Variants in DPP6 observed in about 807,000 individuals in gnomAD.
DPP6 encodes dipeptidyl peptidase like 6, also known as A-type potassium channel modulatory protein DPP6.
A neutral mutation model predicts 122.6 loss-of-function variants in DPP6; 69 were observed. That is an observed-to-expected ratio of 0.56 (90% CI 0.46 to 0.69). The LOEUF (loss-of-function observed/expected upper bound fraction) is 0.69. Ranked by LOEUF, DPP6 falls within the 30% of genes least tolerant of loss-of-function variation. DPP6 has a pLI of 0.00. For synonymous variants in DPP6, 418 were observed against 433.1 expected, an observed-to-expected ratio of 0.97 and a Z score of 0.43; for missense variants, 928 against 1,116.9, an observed-to-expected ratio of 0.83 and a Z score of 2.41.
At chr7:153,958,416 T>A (rs370779415) in intron 1 of DPP6, among the ~76,000 whole-genome samples, 4 of 152,074 alleles carry the variant, frequency 2.6e-5, no homozygotes, top group African/African-American at 7.2e-5. Context: ...CTAACACGCA[T>A]CCTATTCTCT....
At chr7:153,913,117 C>T (rs987302173) in intron 1 of DPP6, among the ~76,000 whole-genome samples, 1 of 152,170 alleles carries the variant, frequency 6.6e-6, no homozygotes, top group African/African-American at 2.4e-5. Context: ...CTCTGTCGCC[C>T]AGACTGGAGT....
intron 11 of DPP6, 43 bp from the exon 12 acceptor site, chr7:154,795,789 AAAAAAAAGAAAAG>A: frequency 1.3e-6 from 2 of 1,523,722 alleles, no homozygotes; most frequent in Admixed American, 2.1e-5. Context: ...ACATGCAAAA[AAAAAAAAGAAAAG>A]AAAAGAAAAA....
At chr7:154,344,008 G>A (rs1046391066) in intron 1 of DPP6, among the ~76,000 whole-genome samples, 2 of 152,014 alleles carry the variant, frequency 1.3e-5, no homozygotes, top group African/African-American at 4.8e-5. Context: ...GAGCCACCGT[G>A]CCCCACCCTC....
At chr7:154,074,540 T>C (rs1208336812) in intron 1 of DPP6, among the ~76,000 whole-genome samples, 1 of 152,236 alleles carries the variant, frequency 6.6e-6, no homozygotes, top group East Asian at 1.9e-4. Flanking sequence ...TGGGCTGTTT[T>C]AAACAACTTT....
chr7:154,060,558 C>T (rs140597091), intron 1 of DPP6, among the ~76,000 whole-genome samples: 42,597 of 113,536 alleles, frequency 0.38, 8,017 homozygotes, highest in Admixed American at 0.44. Flanking sequence ...TCAAATCTTC[C>T]GACGGCAGGT....
the DPP6 span, among the ~76,000 whole-genome samples, chr7:153,776,407 G>A: frequency 6.6e-6 from 1 of 152,028 alleles, no homozygotes; most frequent in African/African-American, 2.4e-5. Context: ...CCCTTTGCTT[G>A]GCACGTTTCC....
chr7:154,678,189 A>G (rs1209027630), intron 7 of DPP6, among the ~76,000 whole-genome samples: 1 of 152,204 alleles, frequency 6.6e-6, no homozygotes, highest in Non-Finnish European at 1.5e-5. Flanking sequence ...AATCAGCAGG[A>G]TGGGGGCGGG....
At chr7:154,500,262 G>C (rs959113110) in intron 3 of DPP6, among the ~76,000 whole-genome samples, 1 of 152,332 alleles carries the variant, frequency 6.6e-6, no homozygotes, top group Non-Finnish European at 1.5e-5. Flanking sequence ...TGGTTGCACA[G>C]CTGTGTGACC....
At chr7:154,410,074 A>C (rs766170313) in intron 1 of DPP6, among the ~76,000 whole-genome samples, 2 of 152,268 alleles carry the variant, frequency 1.3e-5, no homozygotes, top group Admixed American at 6.5e-5. Flanking sequence ...AAAGAAATTT[A>C]GAAATGTTAG....
chr7:154,333,841 T>G (rs1375223829), intron 1 of DPP6, among the ~76,000 whole-genome samples: 2 of 152,242 alleles, frequency 1.3e-5, no homozygotes, highest in Non-Finnish European at 1.5e-5. Context: ...CATTATAATT[T>G]GTAATGATTT....
chr7:154,593,237 A>G (rs888213623), intron 5 of DPP6, among the ~76,000 whole-genome samples: 5 of 152,230 alleles, frequency 3.3e-5, no homozygotes, highest in African/African-American at 1.2e-4. Context: ...ACTGGGGATT[A>G]ATAGCTCCGG....
At chr7:154,463,367 C>T (rs975525721) in intron 2 of DPP6, among the ~76,000 whole-genome samples, 1 of 151,804 alleles carries the variant, frequency 6.6e-6, no homozygotes, top group Non-Finnish European at 1.5e-5. Flanking sequence ...GCCACCACGC[C>T]CGGCTAATTT....
At chr7:154,681,537 G>C (rs193271459) in intron 7 of DPP6, among the ~76,000 whole-genome samples, 3 of 152,294 alleles carry the variant, frequency 2.0e-5, no homozygotes, top group Admixed American at 2.0e-4. Flanking sequence ...CCTGTTTCTC[G>C]TCCTGTGGAG....
At chr7:154,575,433 A>ATGTGTGGTGTGTGTGTG (rs1831552620) in intron 5 of DPP6, among the ~76,000 whole-genome samples, 1 of 31,960 alleles carries the variant, frequency 3.1e-5, no homozygotes, top group Non-Finnish European at 5.1e-5. Context: ...TGTGGTGTGT[A>ATGTGTGGTGTGTGTGTG]TGTGTGTGGT....
At chr7:154,525,901 T>C (rs1334691398) in intron 3 of DPP6, among the ~76,000 whole-genome samples, 1 of 152,242 alleles carries the variant, frequency 6.6e-6, no homozygotes, top group African/African-American at 2.4e-5. Context: ...TCACCGTCTC[T>C]ATGTGTAGTA....
In DPP6 at chr7:154,748,934, C is replaced by T. The variant is rs547437136; in HGVS notation, c.884-20483C>T. Among the ~76,000 whole-genome samples the T allele has an allele frequency of 3.3e-5, 5 of 152,248 alleles. No individual in the cohort carries two copies. In the East Asian group the frequency reaches 5.8e-4, roughly 18 times the overall value. On this transcript the variant is annotated intron_variant, in intron 8 of 25. Coordinates refer to ENST00000377770, the MANE Select transcript of DPP6 (RefSeq NM_130797.4). ...GTCAAACTTAAGAGCGCGACCCATT[C>T]GGAAAATCAAGTGAATAAAGCAGGA...
At position 154,451,620 on chromosome 7, in the gene DPP6, C is replaced by G. The variant is rs555854251; in HGVS notation, c.358+5292C>G. 1.1e-3 allele frequency among the ~76,000 whole-genome samples: 166 copies of G among 152,308 alleles called. 1 individual carries two copies. Among genetic ancestry groups the G allele is most frequent in the Non-Finnish European group, 2.1e-3 (143 of 68,022 alleles). On this transcript the variant is annotated intron_variant, in intron 2 of 25. Coordinates refer to ENST00000377770, the MANE Select transcript of DPP6 (RefSeq NM_130797.4). Reference sequence around the variant, plus strand: ...CAGCCAAGGCAACCACAGCAGCCTCCCCTCTGCAGTAAACAGAGGATGCAG... The same window carrying G: ...CAGCCAAGGCAACCACAGCAGCCTCGCCTCTGCAGTAAACAGAGGATGCAG...
rs1272320870 is a variant in DPP6, at chr7:154,100,267, TAC to T, written c.243+47207_243+47208del. 4.0e-5 allele frequency among the ~76,000 whole-genome samples: 4 copies of T among 99,656 alleles called. No homozygotes were observed. The East Asian group carries it at 1.4e-3, about 34-fold the overall frequency. 65.4% of individuals were successfully genotyped at this position (99,656 alleles called of 152,430 possible). A position where few individuals can be genotyped will look rare whatever the true frequency, so the allele number is the denominator to read the frequency against. ...TACAAACTGAAAGTCCCTTAGAACA[TAC>T]ACTGAAAAAAAAATCCCAGTTATTC... On this transcript the variant is annotated intron_variant, in intron 1 of 25. Transcript: ENST00000377770.
intron 3 of DPP6, among the ~76,000 whole-genome samples, chr7:154,490,951 ATACTG>A (rs1356617437): frequency 6.6e-6 from 1 of 152,330 alleles, no homozygotes; most frequent in East Asian, 1.9e-4. Flanking sequence ...CTGTATGACT[ATACTG>A]TAGGTGTCTA....
Sources: allele counts gnomAD v4.1 joint callset (sites outside exome capture counted in the v4.1 genomes callset), GRCh38; gene constraint gnomAD v4.1.1; transcripts MANE v1.5; gene names NCBI Gene and HGNC (gene_info 2026-07-23, HGNC 2026-07-21).